PTPRR: variants seen among roughly 807,000 people sequenced by gnomAD.
PTPRR encodes the protein receptor-type tyrosine-protein phosphatase R.
PTPRR carries 38 observed loss-of-function variants against 77.2 expected under a neutral mutation model. The ratio of observed to expected loss-of-function variants is 0.49; its 90% CI spans 0.38 to 0.65. The LOEUF is 0.65. PTPRR is among the 30% of genes least tolerant of loss of function. PTPRR has a pLI of 0.00. For missense variants in PTPRR, 744 were observed against 799.2 expected, an observed-to-expected ratio of 0.93 and a Z score of 0.83; for synonymous variants, 299 against 283.1, an observed-to-expected ratio of 1.06 and a Z score of -0.57.
In PTPRR at chr12:70,656,814, T is replaced by C. The variant is rs1294515493; in HGVS notation, c.1770A>G (p.Ala590=). 1 of 1,598,986 alleles carries C rather than the reference T, an allele frequency of 6.3e-7. No homozygotes were observed. Among genetic ancestry groups the C allele is most frequent in the Non-Finnish European group, 8.6e-7 (1 of 1,169,092 alleles). The change falls in exon 13 of 14, where the codon GCA becomes GCG. Residue 590 remains alanine, a synonymous_variant. Transcript: ENST00000283228. The stretch of plus-strand genomic sequence containing the variant: ...TAAAACACCCTGTTCTACCTATTCC[T>C]GCACTGAAAAGAAAAGAAAAGAAAT... ...GRGPVVVHCS[A]GIGRTGCFIA...
At chr12:70,789,856 C>T (rs922021645) in intron 2 of PTPRR, among the ~76,000 whole-genome samples, 16 of 152,014 alleles carry the variant, frequency 1.1e-4, no homozygotes, top group African/African-American at 3.9e-4. Flanking sequence ...TAAAAATGTT[C>T]ATAATCTTTA....
At chr12:70,779,525 C>A (rs7958783) in intron 2 of PTPRR, among the ~76,000 whole-genome samples, 2 of 152,082 alleles carry the variant, frequency 1.3e-5, no homozygotes, top group Non-Finnish European at 2.9e-5. Context: ...ATCAGATCAC[C>A]CTGCTTTCTT....
chr12:70,746,910 T>C, intron 5 of PTPRR, among the ~76,000 whole-genome samples: 1 of 145,462 alleles, frequency 6.9e-6, no homozygotes, highest in South Asian at 2.1e-4. Flanking sequence ...ATCTGGAAAC[T>C]TTTATACTGG....
intron 6 of PTPRR, among the ~76,000 whole-genome samples, chr12:70,723,660 T>C (rs1889337463): frequency 6.6e-6 from 1 of 152,160 alleles, no homozygotes; most frequent in Non-Finnish European, 1.5e-5. Flanking sequence ...AAATGTGGGA[T>C]TATAGGAAGC....
At chr12:70,756,122 G>A (rs1890557048) in intron 4 of PTPRR, among the ~76,000 whole-genome samples, 1 of 151,882 alleles carries the variant, frequency 6.6e-6, no homozygotes, top group Admixed American at 6.6e-5. Context: ...TTCCTAACCC[G>A]ATTTGGTTCA....
intron 2 of PTPRR, among the ~76,000 whole-genome samples, chr12:70,870,440 A>G (rs1433917876): frequency 2.0e-5 from 3 of 152,198 alleles, no homozygotes; most frequent in African/African-American, 7.2e-5. Flanking sequence ...GCTACTCTTT[A>G]TTCTGCAGAT....
chr12:70,639,472 G>T, intron 13 of PTPRR, 195 bp from the exon 14 acceptor site: 2 of 1,368,506 alleles, frequency 1.5e-6, no homozygotes, highest in East Asian at 5.6e-5. Context: ...TATATAAAGG[G>T]CTTAACACAG....
chr12:70,661,853 C>G (rs769769154), intron 11 of PTPRR, among the ~76,000 whole-genome samples: 49 of 152,232 alleles, frequency 3.2e-4, no homozygotes, highest in Non-Finnish European at 5.7e-4. Flanking sequence ...TTTTCTTCCT[C>G]TTTGTGATGA....
At position 70,682,040 on chromosome 12, in the gene PTPRR, T is replaced by A. The variant is rs1399794071; in HGVS notation, c.1497+2087A>T. Among the ~76,000 whole-genome samples, 3 of 124,238 alleles carry A rather than the reference T, an allele frequency of 2.4e-5. No homozygotes were observed. The East Asian group carries it at 7.2e-4, about 30-fold the overall frequency. The allele number at this position is 124,238 out of a possible 152,430, so 81.5% of individuals were successfully genotyped here. On this transcript the variant is annotated intron_variant, in intron 10 of 13. Coordinates refer to ENST00000283228, the MANE Select transcript of PTPRR (RefSeq NM_002849.4). ...GATTTATTTTTGTTGTTCACTTTTT[T>A]TTTTTTTTTTTTTTTTTTTTTGAGA...
intron 2 of PTPRR, among the ~76,000 whole-genome samples, chr12:70,845,375 T>C (rs533992621): frequency 6.6e-6 from 1 of 152,282 alleles, no homozygotes; most frequent in East Asian, 1.9e-4. Context: ...ATACTAGGGA[T>C]TGCATTGGAC....
chr12:70,734,299 A>C (rs1038283239), intron 6 of PTPRR, among the ~76,000 whole-genome samples: 1 of 152,218 alleles, frequency 6.6e-6, no homozygotes, highest in Admixed American at 6.5e-5. Flanking sequence ...AGAGAATTTG[A>C]ATCTCAAAAA....
intron 2 of PTPRR, among the ~76,000 whole-genome samples, chr12:70,871,408 C>T (rs1358591793): frequency 6.6e-6 from 1 of 152,180 alleles, no homozygotes; most frequent in Admixed American, 6.5e-5. Context: ...TCTCCCCTCG[C>T]ACCTGGCCTG....
intron 2 of PTPRR, among the ~76,000 whole-genome samples, chr12:70,842,884 C>A (rs187660791): frequency 6.6e-6 from 1 of 152,180 alleles, no homozygotes; most frequent in South Asian, 2.1e-4. Context: ...TGCTTGAAAT[C>A]TAGTTCTTCT....
At chr12:70,642,198 TACTA>T (rs1223971120) in intron 13 of PTPRR, among the ~76,000 whole-genome samples, 1 of 152,180 alleles carries the variant, frequency 6.6e-6, no homozygotes, top group African/African-American at 2.4e-5. Flanking sequence ...TATTTTAAGA[TACTA>T]ACTGACGGTG....
chr12:70,703,030 T>C (rs559286051), intron 6 of PTPRR, among the ~76,000 whole-genome samples: 2 of 152,052 alleles, frequency 1.3e-5, no homozygotes, highest in Non-Finnish European at 2.9e-5. Context: ...ACCTATTCTT[T>C]CCTTCCTTTT....
In PTPRR at chr12:70,731,331, C is replaced by T. The variant is rs1889654994; in HGVS notation, c.1007+14487G>A. Among the ~76,000 whole-genome samples, 3 of 152,106 alleles carry T rather than the reference C, an allele frequency of 2.0e-5. No individual in the cohort carries two copies. The South Asian group carries it at 6.3e-4, about 32-fold the overall frequency. ...GTTTAAACATGTACAAATAGGAAAGCAATGGTAAGGACAGTCACCCCTCTA... is the reference window on the plus strand; with the variant it reads ...GTTTAAACATGTACAAATAGGAAAGTAATGGTAAGGACAGTCACCCCTCTA... On this transcript the variant is annotated intron_variant, in intron 6 of 13. Transcript: ENST00000283228.
intron 10 of PTPRR, among the ~76,000 whole-genome samples, chr12:70,674,283 A>T (rs1887359268): frequency 6.6e-6 from 1 of 151,848 alleles, no homozygotes; most frequent in African/African-American, 2.4e-5. Context: ...ATTCTTCATT[A>T]TTCCTTCCTT....
chr12:70,793,198 T>C (rs1228958819), intron 2 of PTPRR, among the ~76,000 whole-genome samples: 3 of 152,128 alleles, frequency 2.0e-5, no homozygotes, highest in South Asian at 2.1e-4. Flanking sequence ...GACATCTCAA[T>C]TGGTTCAGGT....
intron 2 of PTPRR, among the ~76,000 whole-genome samples, chr12:70,791,480 C>T (rs565557424): frequency 6.6e-6 from 1 of 152,246 alleles, no homozygotes; most frequent in South Asian, 2.1e-4. Context: ...TGCCTGCTTA[C>T]CTTGCTTTAT....
Sources: allele counts gnomAD v4.1 joint callset (sites outside exome capture counted in the v4.1 genomes callset), GRCh38; gene constraint gnomAD v4.1.1; transcripts MANE v1.5; gene names NCBI Gene and HGNC (gene_info 2026-07-23, HGNC 2026-07-21).